The following AKAP13 variants were observed in gnomAD, a reference collection of about 807,000 sequenced individuals.
AKAP13 encodes the protein A-kinase anchor protein 13.
Under a neutral mutation model 264.5 loss-of-function variants are expected in AKAP13, and 80 were observed. That is an observed-to-expected ratio of 0.30 (90% CI 0.25 to 0.36). The LOEUF is 0.36. AKAP13 is among the 10% of genes least tolerant of loss of function. The pLI is 1.00. For missense variants in AKAP13, 3,712 were observed against 3,435.2 expected, an observed-to-expected ratio of 1.08 and a Z score of -2.01; for synonymous variants, 1,380 against 1,250.2, an observed-to-expected ratio of 1.10 and a Z score of -2.19.
chr15:85,701,589 G>A lies in AKAP13; in HGVS notation c.5465-6430G>A, dbSNP rs189736359. ...CAAGTAGCTGGGACTACAGGAACAC[G>A]CCACCACACCTGGCTAATTTTTTTT... On this transcript the variant is annotated intron_variant, in intron 17 of 36. Transcript: ENST00000394518. 7.5e-3 allele frequency among the ~76,000 whole-genome samples: 1,135 copies of A among 152,000 alleles called. 18 individuals carry two copies. The highest frequency in any genetic ancestry group is 0.011 in the Non-Finnish European group (736 of 67,958).
At chr15:85,628,126 A>G (rs12907126) in intron 8 of AKAP13, among the ~76,000 whole-genome samples, 30,896 of 152,216 alleles carry the variant, frequency 0.2, 4,166 homozygotes, top group Middle Eastern at 0.43. Flanking sequence ...ACTGAATCTG[A>G]TAATCCGTAG....
At chr15:85,666,669 C>T (rs2083621567) in intron 13 of AKAP13, among the ~76,000 whole-genome samples, 1 of 152,232 alleles carries the variant, frequency 6.6e-6, no homozygotes, top group African/African-American at 2.4e-5. Flanking sequence ...CTGCCTCAGT[C>T]TCCCAAAGTG....
chr15:85,441,972 A>C lies in AKAP13; in HGVS notation c.-11-43738A>C, dbSNP rs778445536. Among the ~76,000 whole-genome samples, 8 of 152,202 alleles carry C rather than the reference A, an allele frequency of 5.3e-5. 1 individual carries two copies. Among genetic ancestry groups the C allele is most frequent in the Non-Finnish European group, 7.3e-5 (5 of 68,038 alleles). ...GAAGATATTCACAGTCTTTGGGAAC[A>C]ACGAATAGAGTTCTGGTCAATTTGG... On this transcript the variant is annotated intron_variant, in intron 1 of 36. Transcript: ENST00000394518.
chr15:85,417,499 G>A (rs1210285997), intron 1 of AKAP13, among the ~76,000 whole-genome samples: 1 of 152,200 alleles, frequency 6.6e-6, no homozygotes, highest in Non-Finnish European at 1.5e-5. Context: ...GTAGAGTCAA[G>A]TTAATCAGTA....
chr15:85,661,777 T>C lies in AKAP13; in HGVS notation c.4800-2786T>C, dbSNP rs534970860. ...AAGCAAATATATAATCAGTGTTATA[T>C]GCTTTATCTTTAACGTAACAGCCTA... On this transcript the variant is annotated intron_variant, in intron 12 of 36. Coordinates refer to ENST00000394518, the MANE Select transcript of AKAP13 (RefSeq NM_007200.5). Among the ~76,000 whole-genome samples, 5 of 152,308 alleles carry C rather than the reference T, an allele frequency of 3.3e-5. No homozygotes were observed. The South Asian group carries it at 1.0e-3, about 32-fold the overall frequency.
intron 2 of AKAP13, among the ~76,000 whole-genome samples, chr15:85,486,352 A>T (rs755788888): frequency 6.6e-6 from 1 of 152,060 alleles, no homozygotes; most frequent in African/African-American, 2.4e-5. Flanking sequence ...ATTTATTCCT[A>T]TGTTTTCATC....
chr15:85,533,788 T>C lies in AKAP13; in HGVS notation c.386T>C (p.Val129Ala). The change falls in exon 4 of 37, where the codon GTG (valine) becomes GCG (alanine). Residue 129 changes from valine (V) to alanine (A), a missense_variant. Val to Ala is a moderately conservative substitution (Grantham distance 64). Coordinates refer to ENST00000394518, the MANE Select transcript of AKAP13 (RefSeq NM_007200.5). ...CAGTCAGGACCCCCATCTGGGGATGTGAATTCCCTTGATAAGAAGTTGGTG... is the reference window on the plus strand; with the variant it reads ...CAGTCAGGACCCCCATCTGGGGATGCGAATTCCCTTGATAAGAAGTTGGTG... ...LDQSGPPSGD[V>A]NSLDKKLVLA... The C allele has an allele frequency of 6.2e-7, 1 of 1,613,992 alleles. No homozygotes were observed. Among genetic ancestry groups the C allele is most frequent in the Middle Eastern group, 1.6e-4 (1 of 6,062 alleles).
intron 1 of AKAP13, chr15:85,415,495 C>T: frequency 1.3e-6 from 2 of 1,551,044 alleles, no homozygotes; most frequent in South Asian, 2.2e-5. Flanking sequence ...TGCAACTTTA[C>T]AGATGGTGCA....
rs779785706 is a variant in AKAP13, at chr15:85,730,506, C to T, written c.7088-7C>T. The T allele has an allele frequency of 1.2e-6, 2 of 1,612,554 alleles. No individual in the cohort carries two copies. Among genetic ancestry groups the T allele is most frequent in the East Asian group, 2.2e-5 (1 of 44,844 alleles). On this transcript the variant is annotated splice_region_variant and splice_polypyrimidine_tract_variant and intron_variant, in intron 29 of 36. Transcript: ENST00000394518. ...TCAAATCACAGATCATTTTCTCCTTCCTGCAGAACAACTTCACCAGAAGGA... is the reference window on the plus strand; with the variant it reads ...TCAAATCACAGATCATTTTCTCCTTTCTGCAGAACAACTTCACCAGAAGGA...
At chr15:85,676,036 T>G (rs181444218) in intron 14 of AKAP13, among the ~76,000 whole-genome samples, 1 of 152,182 alleles carries the variant, frequency 6.6e-6, no homozygotes, top group Non-Finnish European at 1.5e-5. Flanking sequence ...CTCAGCCTCC[T>G]GAGTAGCTGG....
chr15:85,487,674 T>A (rs2075598778), intron 2 of AKAP13, among the ~76,000 whole-genome samples: 1 of 151,956 alleles, frequency 6.6e-6, no homozygotes, highest in Non-Finnish European at 1.5e-5. Context: ...CAAGGGATCA[T>A]CCCACCTCAA....
chr15:85,514,198 C>T (rs1344692774), intron 2 of AKAP13, among the ~76,000 whole-genome samples: 1 of 137,264 alleles, frequency 7.3e-6, no homozygotes, highest in Non-Finnish European at 1.6e-5. Flanking sequence ...CAGCAATCTC[C>T]CCTCTTTAAG....
intron 3 of AKAP13, among the ~76,000 whole-genome samples, chr15:85,524,875 CTGTGTGTGTGTGTGTGTG>C (rs61626116): frequency 6.8e-6 from 1 of 147,230 alleles, no homozygotes; most frequent in Non-Finnish European, 1.5e-5. Flanking sequence ...CCCCATTCCC[CTGTGTGTGTGTGTGTGTG>C]TGTGTGTGTC....
At chr15:85,663,181 G>T (rs542333046) in intron 12 of AKAP13, among the ~76,000 whole-genome samples, 1 of 152,216 alleles carries the variant, frequency 6.6e-6, no homozygotes, top group Admixed American at 6.5e-5. Context: ...ACGGTAGCAG[G>T]TGCCTGTAAT....
intron 4 of AKAP13, among the ~76,000 whole-genome samples, chr15:85,540,157 C>A (rs999110114): frequency 6.6e-6 from 1 of 152,004 alleles, no homozygotes; most frequent in Non-Finnish European, 1.5e-5. Flanking sequence ...AGATCATGGG[C>A]AAAAGTCAGT....
intron 16 of AKAP13, chr15:85,693,055 T>A (rs867686675): frequency 2.6e-5 from 17 of 646,780 alleles, no homozygotes; most frequent in Non-Finnish European, 3.8e-5. Flanking sequence ...CTGCCAGAAC[T>A]GTTCCGCCTG....
chr15:85,655,301 A>G (rs992728735), intron 10 of AKAP13, 116 bp from the exon 11 acceptor site: 33 of 1,346,794 alleles, frequency 2.5e-5, no homozygotes, highest in Admixed American at 5.0e-5. Flanking sequence ...TCTGAGGCCA[A>G]TTATGATCTT....
intron 9 of AKAP13, among the ~76,000 whole-genome samples, chr15:85,644,121 C>A (rs2082434280): frequency 1.3e-5 from 2 of 152,036 alleles, no homozygotes; most frequent in Non-Finnish European, 2.9e-5. Flanking sequence ...GGTTTCTTGC[C>A]CTGTCCCTCA....
intron 1 of AKAP13, among the ~76,000 whole-genome samples, chr15:85,442,419 A>AC (rs1199842078): frequency 1.1e-5 from 1 of 93,144 alleles, no homozygotes; most frequent in Admixed American, 1.4e-4. Flanking sequence ...CAAAAAAAAA[A>AC]AAAAATATAT....
Sources: gnomAD v4.1 joint callset for allele counts (sites outside exome capture counted in the v4.1 genomes callset) on GRCh38, gnomAD v4.1.1 for gene constraint, MANE v1.5 for transcripts, NCBI Gene and HGNC (gene_info 2026-07-23, HGNC 2026-07-21) for gene names.